MICU2: variants seen among roughly 807,000 people sequenced by gnomAD.
MICU2 encodes the protein mitochondrial calcium uptake 2.
Under a neutral mutation model 60.4 loss-of-function variants are expected in MICU2, and 64 were observed. The ratio of observed to expected loss-of-function variants is 1.06; its 90% confidence interval spans 0.87 to 1.31. MICU2 has a LOEUF of 1.31. Ranked by LOEUF, MICU2 falls within the 50% of genes most tolerant of loss-of-function variation. The pLI is 0.00. For synonymous variants in MICU2, 201 were observed against 175.0 expected, an observed-to-expected ratio of 1.15 and a Z score of -1.17; for missense variants, 569 against 531.0, an observed-to-expected ratio of 1.07 and a Z score of -0.70.
At chr13:21,559,028 AG>A (rs1309260886) in intron 2 of MICU2, among the ~76,000 whole-genome samples, 2 of 152,182 alleles carry the variant, frequency 1.3e-5, no homozygotes, top group Non-Finnish European at 2.9e-5. Flanking sequence ...GGGACAGGGT[AG>A]GGAGGGAGTT....
At chr13:21,597,079 TA>T (rs1283368065) in intron 1 of MICU2, among the ~76,000 whole-genome samples, 1 of 152,184 alleles carries the variant, frequency 6.6e-6, no homozygotes, top group Non-Finnish European at 1.5e-5. Context: ...TCTTGCTATA[TA>T]AAGACAAATA....
intron 6 of MICU2, among the ~76,000 whole-genome samples, chr13:21,517,103 C>T (rs555640056): frequency 6.6e-6 from 1 of 152,148 alleles, no homozygotes; most frequent in East Asian, 1.9e-4. Flanking sequence ...TGCTATTTTA[C>T]GAGTTCTTGG....
intron 2 of MICU2, among the ~76,000 whole-genome samples, chr13:21,560,266 T>A (rs1887809071): frequency 6.6e-6 from 1 of 152,204 alleles, no homozygotes; most frequent in Admixed American, 6.5e-5. Context: ...AGACAGATTT[T>A]AAAATTTTCT....
In MICU2 at chr13:21,603,976, A is replaced by C; in HGVS notation, c.173T>G (p.Val58Gly). Residue 58 changes from valine to glycine, a missense_variant, in exon 1 of 12, where the codon GTT becomes GGT. Val to Gly is a moderately radical substitution (Grantham distance 109). Transcript: ENST00000382374. Reference sequence around the variant, plus strand: ...TGTAAAACTGCCATCCCGCGCCGCAACACTGACGCGGCTGTGGTGCCAGGC... The same window carrying C: ...TGTAAAACTGCCATCCCGCGCCGCACCACTGACGCGGCTGTGGTGCCAGGC... Reference protein sequence around the residue: ...GAAWHHSRVSVAARDGSFTVS... With the variant: ...GAAWHHSRVSGAARDGSFTVS... 2.5e-6 allele frequency: 4 copies of C among 1,612,358 alleles called. No individual in the cohort carries two copies. Among genetic ancestry groups the C allele is most frequent in the Non-Finnish European group, 3.4e-6 (4 of 1,179,634 alleles).
intron 7 of MICU2, among the ~76,000 whole-genome samples, chr13:21,513,878 A>G (rs1163886836): frequency 6.6e-6 from 1 of 152,042 alleles, no homozygotes; most frequent in African/African-American, 2.4e-5. Flanking sequence ...ACTTCTTTAC[A>G]TGTATACTTA....
At chr13:21,572,982 G>A (rs536188258) in intron 1 of MICU2, among the ~76,000 whole-genome samples, 1 of 151,978 alleles carries the variant, frequency 6.6e-6, no homozygotes, top group South Asian at 2.1e-4. Context: ...GCTAATTTTA[G>A]TTACCTGGGA....
At chr13:21,519,566 T>G (rs1304547216) in intron 6 of MICU2, among the ~76,000 whole-genome samples, 1 of 152,208 alleles carries the variant, frequency 6.6e-6, no homozygotes, top group Non-Finnish European at 1.5e-5. Flanking sequence ...GTCTCTGGTC[T>G]TATCCCTTTT....
intron 2 of MICU2, among the ~76,000 whole-genome samples, chr13:21,548,239 AAAG>A: frequency 6.6e-6 from 1 of 152,242 alleles, no homozygotes; most frequent in Non-Finnish European, 1.5e-5. Flanking sequence ...AACTTTGTAA[AAAG>A]AAATGTGTTA....
chr13:21,502,992 A>G lies in MICU2; in HGVS notation c.867T>C (p.Phe289=), dbSNP rs777670055. 2.5e-6 allele frequency: 4 copies of G among 1,611,830 alleles called. No individual in the cohort carries two copies. Among genetic ancestry groups the G allele is most frequent in the Non-Finnish European group, 3.4e-6 (4 of 1,179,508 alleles). ...RKEDFAEWLL[F]FTNTENKDIY... The stretch of plus-strand genomic sequence containing the variant: ...TATCTTTATTTTCAGTGTTAGTGAA[A>G]AAAAGTAGCCACTCTGCAAAGTCTT... Residue 289 remains phenylalanine (F), a synonymous_variant, in exon 9 of 12, where the codon TTT becomes TTC. Coordinates refer to ENST00000382374, the MANE Select transcript of MICU2 (RefSeq NM_152726.3).
At chr13:21,538,788 G>A (rs2476637) in intron 4 of MICU2, among the ~76,000 whole-genome samples, 53,405 of 151,750 alleles carry the variant, frequency 0.35, 9,842 homozygotes, top group Non-Finnish European at 0.41. Flanking sequence ...GGGGGGTCCT[G>A]GAATCAATAC....
chr13:21,585,777 A>G (rs373251421), intron 1 of MICU2, among the ~76,000 whole-genome samples: 98 of 152,334 alleles, frequency 6.4e-4, no homozygotes, highest in Middle Eastern at 3.4e-3. Context: ...TTGTTTAAAC[A>G]TAACGGTCCA....
chr13:21,559,365 C>T (rs1887784088), intron 2 of MICU2, among the ~76,000 whole-genome samples: 1 of 152,172 alleles, frequency 6.6e-6, no homozygotes, highest in South Asian at 2.1e-4. Flanking sequence ...AACACTGCTA[C>T]TACAAGCATT....
chr13:21,568,541 TTTA>T (rs1888035132), intron 1 of MICU2, among the ~76,000 whole-genome samples: 1 of 152,194 alleles, frequency 6.6e-6, no homozygotes. Flanking sequence ...TTCTGAACAT[TTTA>T]AACGTGGGGC....
At chr13:21,537,441 C>T (rs1887157485) in intron 4 of MICU2, among the ~76,000 whole-genome samples, 1 of 151,298 alleles carries the variant, frequency 6.6e-6, no homozygotes, top group Admixed American at 6.6e-5. Flanking sequence ...AAAGCTCAGA[C>T]CTACTATATC....
intron 3 of MICU2, 93 bp downstream of exon 3, chr13:21,539,564 C>T (rs554434141): frequency 1.9e-5 from 29 of 1,529,050 alleles, no homozygotes; most frequent in Non-Finnish European, 2.6e-5. Flanking sequence ...TCCCAAAGTG[C>T]TGGGATTACA....
intron 2 of MICU2, among the ~76,000 whole-genome samples, chr13:21,545,162 A>C (rs558678569): frequency 6.6e-6 from 1 of 152,338 alleles, no homozygotes; most frequent in East Asian, 1.9e-4. Flanking sequence ...CACTATTCAC[A>C]ACAGCCAAGA....
chr13:21,564,217 C>A (rs1042615125), intron 2 of MICU2, among the ~76,000 whole-genome samples: 4 of 152,030 alleles, frequency 2.6e-5, no homozygotes, highest in Non-Finnish European at 5.9e-5. Flanking sequence ...TTTTAGCATG[C>A]CTTGTGACTT....
Position 21,539,338 on chromosome 13 carries a change from A to T in MICU2, c.430T>A (p.Cys144Ser). 6.8e-6 allele frequency: 11 copies of T among 1,614,098 alleles called. No homozygotes were observed. Among genetic ancestry groups the T allele is most frequent in the Non-Finnish European group, 9.3e-6 (11 of 1,179,968 alleles). The change falls in exon 4 of 12, where the codon TGT becomes AGT. Residue 144 changes from cysteine (C) to serine (S), a missense_variant. Physicochemically the swap from Cys to Ser is moderately radical, Grantham distance 112 (BLOSUM62 -1). Coordinates refer to ENST00000382374, the MANE Select transcript of MICU2 (RefSeq NM_152726.3). ...AGGTCTCTGAAAAAAGTTGATCCAC[A>T]GCCAGCTGTTTGGATCCCTGACAGT... ...DTLSGIQTAG[C>S]GSTFFRDLGD... is the part of the protein sequence containing the mutation.
chr13:21,587,157 C>T (rs1888477876), intron 1 of MICU2, among the ~76,000 whole-genome samples: 1 of 152,118 alleles, frequency 6.6e-6, no homozygotes, highest in Admixed American at 6.6e-5. Flanking sequence ...CACCAGCTTT[C>T]AGGAGACTGG....
Sources: gnomAD v4.1 joint callset for allele counts (sites outside exome capture counted in the v4.1 genomes callset) on GRCh38, gnomAD v4.1.1 for gene constraint, MANE v1.5 for transcripts, NCBI Gene and HGNC (gene_info 2026-07-23, HGNC 2026-07-21) for gene names.